The following RNLS variants were observed in gnomAD, a reference collection of about 807,000 sequenced individuals.
The protein encoded by RNLS is renalase.
RNLS carries 39 observed loss-of-function variants against 39.8 expected under a neutral mutation model. The observed-to-expected ratio is 0.98, with a 90% CI of 0.76 to 1.28. The LOEUF (loss-of-function observed/expected upper bound fraction) is 1.28, where lower values mean the gene tolerates loss of function less well. Among genes scored for constraint, RNLS ranks in the 50% most tolerant of loss-of-function variants. The pLI, the probability that RNLS is intolerant of heterozygous loss-of-function variation, is 0.00. For missense variants in RNLS, 410 were observed against 413.3 expected (o/e 0.99, Z 0.07); for synonymous variants, 147 against 150.7 (o/e 0.98, Z 0.18).
In RNLS at chr10:88,285,283, C is replaced by A. The variant is rs1843184708; in HGVS notation, c.*71G>T. On this transcript the variant is annotated 3_prime_UTR_variant, in exon 7 of 7. Coordinates refer to ENST00000331772, the MANE Select transcript of RNLS (RefSeq NM_001031709.3). The stretch of plus-strand genomic sequence containing the variant: ...TAATTTTTCTTAGCAAAATAGAAAA[C>A]AAAATAATCAATAACAGAAAATTGT... The A allele has an allele frequency of 7.7e-6, 11 of 1,424,054 alleles. No individual in the cohort carries two copies. The highest frequency in any genetic ancestry group is 2.6e-5 in the East Asian group (1 of 38,898). 88.2% of individuals were successfully genotyped at this position (1,424,054 alleles called of 1,614,324 possible).
At chr10:88,213,819 A>C in the RNLS span, among the ~76,000 whole-genome samples, 4 of 152,076 alleles carry the variant, frequency 2.6e-5, no homozygotes, top group Non-Finnish European at 5.9e-5. Flanking sequence ...TTTTTCCCCG[A>C]TTTGCTTATG....
At chr10:88,192,266 C>A in the RNLS span, among the ~76,000 whole-genome samples, 4 of 152,014 alleles carry the variant, frequency 2.6e-5, no homozygotes, top group Non-Finnish European at 2.9e-5. Context: ...ATAAGAGAAT[C>A]CTATCTGCCT....
rs1851220399 is a variant in RNLS, at chr10:88,378,690, A to T, written c.527-15965T>A. ...GGGTTCTCCCACTCAGTCTATTAGC[A>T]TTAGATCATACCCTTTTTGTCCAAT... is the stretch of plus-strand genomic sequence containing the variant. On this transcript the variant is annotated intron_variant, in intron 4 of 6. Coordinates refer to ENST00000331772, the MANE Select transcript of RNLS (RefSeq NM_001031709.3). Among the ~76,000 whole-genome samples, 10 of 152,322 alleles carry T rather than the reference A, an allele frequency of 6.6e-5. No individual in the cohort carries two copies. The South Asian group carries it at 2.1e-3, about 32-fold the overall frequency.
chr10:88,446,219 C>A (rs1346392886), intron 4 of RNLS, among the ~76,000 whole-genome samples: 1 of 152,072 alleles, frequency 6.6e-6, no homozygotes, highest in Non-Finnish European at 1.5e-5. Flanking sequence ...TGACTACTGG[C>A]TACATAACAA....
At chr10:88,494,906 T>G (rs147940160) in intron 4 of RNLS, among the ~76,000 whole-genome samples, 76 of 152,286 alleles carry the variant, frequency 5.0e-4, no homozygotes, top group African/African-American at 1.7e-3. Context: ...TATTCTTTAC[T>G]CAGGAGAATA....
chr10:88,187,758 A>T, the RNLS span, among the ~76,000 whole-genome samples: 1 of 152,234 alleles, frequency 6.6e-6, no homozygotes, highest in Non-Finnish European at 1.5e-5. Flanking sequence ...GGACTGAGAT[A>T]ACTTTTCTTG....
intron 4 of RNLS, among the ~76,000 whole-genome samples, chr10:88,470,336 G>T (rs976040747): frequency 6.6e-6 from 1 of 151,926 alleles, no homozygotes; most frequent in Non-Finnish European, 1.5e-5. Flanking sequence ...AGCACTATTC[G>T]CAATAGTAAA....
chr10:88,258,327 T>C, the RNLS span, among the ~76,000 whole-genome samples: 1 of 152,224 alleles, frequency 6.6e-6, no homozygotes, highest in African/African-American at 2.4e-5. Flanking sequence ...TGTTCAGAAT[T>C]ATGTATTCTG....
chr10:88,337,700 T>C lies in RNLS; in HGVS notation c.701-23059A>G, dbSNP rs187356422. Among the ~76,000 whole-genome samples the C allele has an allele frequency of 2.0e-5, 3 of 152,304 alleles. No individual in the cohort carries two copies. The East Asian group carries it at 5.8e-4, about 29-fold the overall frequency. On this transcript the variant is annotated intron_variant, in intron 5 of 6. Coordinates refer to ENST00000331772, the MANE Select transcript of RNLS (RefSeq NM_001031709.3). ...GTTTGCATGATGTTGATCGAATCTA[T>C]CTAGAGTTGCCTATAGCTTTACTCC...
At position 88,581,195 on chromosome 10, in the gene RNLS, T is replaced by A. The variant is rs1342937900; in HGVS notation, c.367+372A>T. Among the ~76,000 whole-genome samples the A allele has an allele frequency of 2.0e-5, 3 of 151,708 alleles. No homozygotes were observed. In the East Asian group the frequency reaches 5.8e-4, roughly 29 times the overall value. On this transcript the variant is annotated intron_variant, in intron 3 of 6. Transcript: ENST00000331772. ...CTGATATGAAAATAGATCCAAGATATGAGTCAAACAAGGTATAGAATCATT... is the reference window on the plus strand; with the variant it reads ...CTGATATGAAAATAGATCCAAGATAAGAGTCAAACAAGGTATAGAATCATT...
chr10:88,535,006 G>A (rs1416316369), intron 4 of RNLS, among the ~76,000 whole-genome samples: 1 of 151,948 alleles, frequency 6.6e-6, no homozygotes, highest in Non-Finnish European at 1.5e-5. Context: ...ATGAGAGACG[G>A]GTCCCTGAGT....
intron 4 of RNLS, among the ~76,000 whole-genome samples, chr10:88,387,960 A>G (rs1247227396): frequency 6.6e-6 from 1 of 152,120 alleles, no homozygotes; most frequent in Non-Finnish European, 1.5e-5. Flanking sequence ...GGAAGGGGAG[A>G]TGGTTGTGGT....
At chr10:88,301,543 T>C (rs1197800789) in intron 6 of RNLS, among the ~76,000 whole-genome samples, 1 of 152,212 alleles carries the variant, frequency 6.6e-6, no homozygotes, top group East Asian at 1.9e-4. Flanking sequence ...TGTTGGGAAA[T>C]GTTGACTCAT....
chr10:88,259,778 T>C, the RNLS span, among the ~76,000 whole-genome samples: 59,315 of 152,064 alleles, frequency 0.39, 11,927 homozygotes, highest in African/African-American at 0.49. Context: ...CAAGTCTCGC[T>C]CTGTCACCAG....
chr10:88,469,516 G>GAC (rs1843390678), intron 4 of RNLS, among the ~76,000 whole-genome samples: 1 of 152,158 alleles, frequency 6.6e-6, no homozygotes, highest in Admixed American at 6.6e-5. Flanking sequence ...CTCAGGTACA[G>GAC]ACAGTCAGGT....
At chr10:88,291,818 T>C (rs1004498145) in intron 6 of RNLS, among the ~76,000 whole-genome samples, 1 of 152,148 alleles carries the variant, frequency 6.6e-6, no homozygotes, top group African/African-American at 2.4e-5. Flanking sequence ...TTCCTCTAGA[T>C]GCCGCTGCAA....
At chr10:88,358,726 T>C (rs1849395644) in intron 5 of RNLS, among the ~76,000 whole-genome samples, 1 of 152,204 alleles carries the variant, frequency 6.6e-6, no homozygotes, top group Admixed American at 6.5e-5. Context: ...TAAGGAAATT[T>C]TGGTTCTGGC....
chr10:88,530,073 A>T (rs1847326170), intron 4 of RNLS, among the ~76,000 whole-genome samples: 1 of 152,210 alleles, frequency 6.6e-6, no homozygotes, highest in Non-Finnish European at 1.5e-5. Context: ...TGAAAAAACA[A>T]TTCGAGTCAA....
intron 4 of RNLS, among the ~76,000 whole-genome samples, chr10:88,454,387 T>C (rs931174829): frequency 6.6e-6 from 1 of 152,220 alleles, no homozygotes; most frequent in African/African-American, 2.4e-5. Context: ...GTAGTTGCTG[T>C]ATCCATGTCT....
Sources: allele counts gnomAD v4.1 joint callset (sites outside exome capture counted in the v4.1 genomes callset), GRCh38; gene constraint gnomAD v4.1.1; transcripts MANE v1.5; gene names NCBI Gene and HGNC (gene_info 2026-07-23, HGNC 2026-07-21).